The following KHDRBS3 variants were observed in gnomAD, a reference collection of about 807,000 sequenced individuals.
KHDRBS3 encodes KH RNA binding domain containing, signal transduction associated 3.
Under a neutral mutation model 45.6 loss-of-function variants are expected in KHDRBS3, and 23 were observed. That is an observed-to-expected ratio of 0.50 (90% CI 0.36 to 0.72). KHDRBS3 has a LOEUF of 0.72. Ranked by LOEUF, KHDRBS3 falls within the 30% of genes least tolerant of loss-of-function variation. The pLI, the probability that KHDRBS3 is intolerant of heterozygous loss-of-function variation, is 0.00. For missense variants in KHDRBS3, 352 were observed against 424.8 expected (o/e 0.83, Z 1.51); for synonymous variants, 162 against 156.5 (o/e 1.04, Z -0.26).
intron 1 of KHDRBS3, among the ~76,000 whole-genome samples, chr8:135,511,413 T>C (rs543910202): frequency 4.5e-4 from 68 of 152,328 alleles, no homozygotes; most frequent in Admixed American, 1.5e-3. Flanking sequence ...TTATTATTCT[T>C]CCTTTCTTTT....
intron 5 of KHDRBS3, among the ~76,000 whole-genome samples, 194 bp downstream of exon 5, chr8:135,557,781 T>C (rs1018967225): frequency 6.6e-6 from 1 of 152,166 alleles, no homozygotes; most frequent in Non-Finnish European, 1.5e-5. Flanking sequence ...ATAGTGCCTG[T>C]GAATAGCTGC....
In KHDRBS3 at chr8:135,463,994, C is replaced by T. The variant is rs1876997; in HGVS notation, c.88+6040C>T. Among the ~76,000 whole-genome samples the T allele has an allele frequency of 3.0e-3, 454 of 152,300 alleles. 2 individuals are homozygous for T. The highest frequency in any genetic ancestry group is 4.7e-3 in the Non-Finnish European group (320 of 68,028). ...CTTGCAAGGTAGGAGGTTTTATTCCCTGCGTGCCTCCTTTATTTTTTTCAA... is the reference window on the plus strand; with the variant it reads ...CTTGCAAGGTAGGAGGTTTTATTCCTTGCGTGCCTCCTTTATTTTTTTCAA... On this transcript the variant is annotated intron_variant, in intron 1 of 8. Coordinates refer to ENST00000355849, the MANE Select transcript of KHDRBS3 (RefSeq NM_006558.3).
intron 6 of KHDRBS3, among the ~76,000 whole-genome samples, chr8:135,596,982 G>T (rs1487432700): frequency 6.6e-6 from 1 of 152,048 alleles, no homozygotes; most frequent in East Asian, 1.9e-4. Context: ...TTTACTTCTT[G>T]TCTTACTCTA....
chr8:135,646,979 CT>C lies in KHDRBS3; in HGVS notation c.950-12del. 6.9e-7 allele frequency: 1 copy of C among 1,449,100 alleles called. No individual in the cohort carries two copies. Among genetic ancestry groups the C allele is most frequent in the Non-Finnish European group, 9.7e-7 (1 of 1,029,504 alleles). The allele number at this position is 1,449,100 out of a possible 1,614,324, so 89.8% of individuals were successfully genotyped here. A position where few individuals can be genotyped will look rare whatever the true frequency, so the allele number is the denominator to read the frequency against. On this transcript the variant is annotated splice_polypyrimidine_tract_variant and intron_variant, in intron 8 of 8. Transcript: ENST00000355849. ...TGGCAGTGATCTAATTGTGATTCATCTTACTGATTGTAGGGCAAGAAGAGTG... is the reference window on the plus strand; with the variant it reads ...TGGCAGTGATCTAATTGTGATTCATCTACTGATTGTAGGGCAAGAAGAGTG...
chr8:135,491,796 A>G (rs983512001), intron 1 of KHDRBS3, among the ~76,000 whole-genome samples: 7 of 152,118 alleles, frequency 4.6e-5, no homozygotes. Context: ...CTATGTTAAC[A>G]TTTTTACTTA....
At chr8:135,582,106 ATCAGATT>A (rs775279305) in intron 6 of KHDRBS3, 33 bp downstream of exon 6, 2 of 1,489,404 alleles carry the variant, frequency 1.3e-6, no homozygotes. Context: ...AGCCTTGTTC[ATCAGATT>A]GACTTAATCC....
At chr8:135,521,155 A>AT in intron 1 of KHDRBS3, 82 bp from the exon 2 acceptor site, 1 of 766,306 alleles carries the variant, frequency 1.3e-6, no homozygotes, top group Non-Finnish European at 2.3e-6. Flanking sequence ...AGTTGATTTC[A>AT]TGCCACTACA....
chr8:135,498,296 A>G (rs1823560824), intron 1 of KHDRBS3, among the ~76,000 whole-genome samples: 1 of 152,068 alleles, frequency 6.6e-6, no homozygotes, highest in African/African-American at 2.4e-5. Flanking sequence ...AAGTGGTTCA[A>G]CTACCGTACT....
intron 6 of KHDRBS3, among the ~76,000 whole-genome samples, chr8:135,586,185 T>C (rs1828464168): frequency 6.6e-6 from 1 of 152,162 alleles, no homozygotes; most frequent in South Asian, 2.1e-4. Context: ...CTATGATCTC[T>C]ACTGTACAAA....
chr8:135,542,836 C>A, intron 3 of KHDRBS3, 66 bp downstream of exon 3: 2 of 1,051,102 alleles, frequency 1.9e-6, no homozygotes, highest in Non-Finnish European at 2.9e-6. Context: ...TTATATTATC[C>A]ACTGTATTCA....
chr8:135,583,641 G>A (rs1462395684), intron 6 of KHDRBS3, among the ~76,000 whole-genome samples: 2 of 152,054 alleles, frequency 1.3e-5, no homozygotes, highest in Non-Finnish European at 2.9e-5. Context: ...TTTAATATCG[G>A]GCAAGATATT....
intron 5 of KHDRBS3, 33 bp downstream of exon 5, chr8:135,557,620 C>T (rs750445948): frequency 9.1e-6 from 14 of 1,546,486 alleles, no homozygotes; most frequent in South Asian, 1.1e-5. Context: ...GTTAACATAC[C>T]GTGGCAGCAG....
intron 5 of KHDRBS3, among the ~76,000 whole-genome samples, chr8:135,572,352 T>A (rs1563776900): frequency 1.3e-5 from 2 of 152,222 alleles, no homozygotes; most frequent in Non-Finnish European, 2.9e-5. Context: ...CTGTCTTATT[T>A]GTCAATAATT....
intron 1 of KHDRBS3, 73 bp downstream of exon 1, chr8:135,458,027 C>A: frequency 6.8e-7 from 1 of 1,475,454 alleles, no homozygotes. Flanking sequence ...CCCAGGGGGC[C>A]CCTCCGTGCC....
intron 5 of KHDRBS3, among the ~76,000 whole-genome samples, chr8:135,570,950 T>A (rs1054570905): frequency 6.6e-6 from 1 of 152,116 alleles, no homozygotes; most frequent in South Asian, 2.1e-4. Flanking sequence ...AAGCGGAAAA[T>A]CTTTGGTTTC....
chr8:135,635,718 G>A (rs190922063), intron 7 of KHDRBS3, among the ~76,000 whole-genome samples: 1 of 152,274 alleles, frequency 6.6e-6, no homozygotes, highest in East Asian at 1.9e-4. Context: ...TAGTTGTAAC[G>A]TAGACTCTAA....
chr8:135,509,453 A>G (rs1329649171), intron 1 of KHDRBS3, among the ~76,000 whole-genome samples: 1 of 152,212 alleles, frequency 6.6e-6, no homozygotes, highest in Non-Finnish European at 1.5e-5. Context: ...GAATATGATA[A>G]TTATTCAACT....
At chr8:135,573,490 A>G (rs1256820382) in intron 5 of KHDRBS3, among the ~76,000 whole-genome samples, 1 of 152,228 alleles carries the variant, frequency 6.6e-6, no homozygotes, top group Non-Finnish European at 1.5e-5. Flanking sequence ...TGCCTGTTTT[A>G]GGCTATGCAC....
intron 1 of KHDRBS3, among the ~76,000 whole-genome samples, chr8:135,471,149 G>A (rs992289368): frequency 1.3e-5 from 2 of 152,192 alleles, no homozygotes; most frequent in African/African-American, 4.8e-5. Flanking sequence ...AAGAATGTGC[G>A]TGAATTCTTG....
Sources: gnomAD v4.1 joint callset for allele counts (sites outside exome capture counted in the v4.1 genomes callset) on GRCh38, gnomAD v4.1.1 for gene constraint, MANE v1.5 for transcripts, NCBI Gene and HGNC (gene_info 2026-07-23, HGNC 2026-07-21) for gene names.